FIG4: variants seen among roughly 807,000 people sequenced by gnomAD.
The protein encoded by FIG4 is polyphosphoinositide phosphatase.
FIG4 carries 112 observed loss-of-function variants against 118.6 expected under a neutral mutation model. The ratio of observed to expected loss-of-function variants is 0.94; its 90% CI spans 0.81 to 1.11. The LOEUF (loss-of-function observed/expected upper bound fraction) is 1.11, where lower values mean the gene tolerates loss of function less well. FIG4 is among the 50% of genes least tolerant of loss of function. The pLI is 0.00. For missense variants in FIG4, 969 were observed against 1,111.7 expected (o/e 0.87, Z 1.83); for synonymous variants, 369 against 381.2 (o/e 0.97, Z 0.37).
intron 22 of FIG4, among the ~76,000 whole-genome samples, chr6:109,801,849 C>T (rs1210783599): frequency 6.6e-6 from 1 of 152,170 alleles, no homozygotes; most frequent in East Asian, 1.9e-4. Context: ...CCAGGACCTC[C>T]CACCTCCATT....
chr6:109,716,633 A>C, intron 3 of FIG4, 65 bp downstream of exon 3: 1 of 1,568,774 alleles, frequency 6.4e-7, no homozygotes, highest in Non-Finnish European at 8.8e-7. Flanking sequence ...TACATAGACT[A>C]CTTAAAGGAG....
rs1013472801 is a variant in FIG4, at chr6:109,799,275, C to T, written c.2546+2424C>T. ...AATCTGTCATAATGGTGTTTTTACA[C>T]AGCATCTTCAGCAAGATAACAAAGA... is the stretch of plus-strand genomic sequence containing the variant. On this transcript the variant is annotated intron_variant, in intron 22 of 22. Transcript: ENST00000230124. 1.8e-4 allele frequency among the ~76,000 whole-genome samples: 27 copies of T among 152,342 alleles called. No individual in the cohort carries two copies. In the South Asian group the frequency reaches 2.9e-3, roughly 16 times the overall value.
chr6:109,706,405 G>C (rs937550068), intron 1 of FIG4, among the ~76,000 whole-genome samples: 5 of 152,120 alleles, frequency 3.3e-5, no homozygotes, highest in African/African-American at 1.2e-4. Flanking sequence ...TGCCCTTCCT[G>C]TGTTCTCATG....
At chr6:109,692,636 A>G (rs142817346) in intron 1 of FIG4, among the ~76,000 whole-genome samples, 121 of 152,306 alleles carry the variant, frequency 7.9e-4, no homozygotes, top group African/African-American at 2.9e-3. Flanking sequence ...TTGTCATTGA[A>G]ATGAAACCTA....
intron 13 of FIG4, among the ~76,000 whole-genome samples, chr6:109,764,396 C>A (rs1777215667): frequency 1.3e-5 from 2 of 151,084 alleles, no homozygotes; most frequent in African/African-American, 4.9e-5. Flanking sequence ...CGAGATCATG[C>A]CACTGCACTC....
chr6:109,812,170 A>G (rs758870033), intron 22 of FIG4, among the ~76,000 whole-genome samples: 10 of 151,944 alleles, frequency 6.6e-5, no homozygotes, highest in Non-Finnish European at 1.5e-4. Context: ...CCCCTTTTCC[A>G]TGATTGTAAA....
chr6:109,697,171 A>G (rs1774749804), intron 1 of FIG4, among the ~76,000 whole-genome samples: 1 of 150,906 alleles, frequency 6.6e-6, no homozygotes, highest in South Asian at 2.1e-4. Flanking sequence ...CTGAGGCAGG[A>G]GAATGGCGTG....
At chr6:109,696,459 T>C (rs989267803) in intron 1 of FIG4, among the ~76,000 whole-genome samples, 3 of 152,238 alleles carry the variant, frequency 2.0e-5, no homozygotes, top group African/African-American at 7.2e-5. Flanking sequence ...TGTAGCACTA[T>C]TCACGATAGC....
intron 22 of FIG4, among the ~76,000 whole-genome samples, chr6:109,815,195 T>C (rs546127494): frequency 1.4e-4 from 22 of 152,194 alleles, no homozygotes; most frequent in African/African-American, 5.1e-4. Flanking sequence ...ACATAACCAG[T>C]TGGCTGTCAC....
At chr6:109,705,060 C>T (rs550399653) in intron 1 of FIG4, among the ~76,000 whole-genome samples, 38 of 151,962 alleles carry the variant, frequency 2.5e-4, no homozygotes, top group African/African-American at 7.2e-4. Flanking sequence ...TATGGGTGTT[C>T]GTTGTACTGT....
At chr6:109,788,867 C>A (rs541549789) in intron 18 of FIG4, among the ~76,000 whole-genome samples, 9 of 152,158 alleles carry the variant, frequency 5.9e-5, no homozygotes, top group Admixed American at 5.9e-4. Context: ...GGAACTGTTG[C>A]GTTTTTGGCA....
In FIG4 at chr6:109,720,036, G is replaced by A. The variant is rs1003933729; in HGVS notation, c.289+3468G>A. On this transcript the variant is annotated intron_variant, in intron 3 of 22. Coordinates refer to ENST00000230124, the MANE Select transcript of FIG4 (RefSeq NM_014845.6). The stretch of plus-strand genomic sequence containing the variant: ...AAAGGTGACATTCTTAGCTATTTCT[G>A]TTGAAGTTAGAGCCCTTTTAGCTTT... 6.6e-5 allele frequency among the ~76,000 whole-genome samples: 10 copies of A among 152,320 alleles called. No individual in the cohort carries two copies. The East Asian group carries it at 1.9e-3, about 29-fold the overall frequency.
At chr6:109,708,855 G>C (rs1304251250) in intron 1 of FIG4, among the ~76,000 whole-genome samples, 1 of 151,998 alleles carries the variant, frequency 6.6e-6, no homozygotes, top group African/African-American at 2.4e-5. Flanking sequence ...ACAGATGGTG[G>C]ATATTAGATC....
chr6:109,768,468 T>G (rs901346995), intron 15 of FIG4, among the ~76,000 whole-genome samples: 1 of 152,156 alleles, frequency 6.6e-6, no homozygotes, highest in Non-Finnish European at 1.5e-5. Context: ...TGACTGTAAA[T>G]GTAGCAGCTT....
chr6:109,773,154 A>C (rs538770165), intron 15 of FIG4, among the ~76,000 whole-genome samples: 26 of 152,280 alleles, frequency 1.7e-4, no homozygotes, highest in African/African-American at 6.3e-4. Context: ...TTGTGCTTCA[A>C]ATCTCTCTGC....
intron 22 of FIG4, among the ~76,000 whole-genome samples, chr6:109,819,550 C>T (rs1778948537): frequency 6.6e-6 from 1 of 152,170 alleles, no homozygotes; most frequent in African/African-American, 2.4e-5. Context: ...CTCACTGCAA[C>T]CTCCGCCTCC....
At chr6:109,791,644 T>A (rs950258967) in intron 20 of FIG4, 73 bp downstream of exon 20, 2 of 1,370,076 alleles carry the variant, frequency 1.5e-6, no homozygotes, top group Non-Finnish European at 1.0e-6. Flanking sequence ...CGCTTTCAGT[T>A]AAAAGGCTGA....
chr6:109,816,905 C>G (rs567747068), intron 22 of FIG4, among the ~76,000 whole-genome samples: 3 of 152,344 alleles, frequency 2.0e-5, no homozygotes, highest in African/African-American at 7.2e-5. Context: ...ATAAGACACA[C>G]GCCATTACTG....
chr6:109,771,292 C>T (rs550767827), intron 15 of FIG4, among the ~76,000 whole-genome samples: 8 of 152,262 alleles, frequency 5.3e-5, no homozygotes, highest in East Asian at 1.9e-4. Context: ...CAAAGGACAA[C>T]GGACTGTCCT....
Sources: allele counts gnomAD v4.1 joint callset (sites outside exome capture counted in the v4.1 genomes callset), GRCh38; gene constraint gnomAD v4.1.1; transcripts MANE v1.5; gene names NCBI Gene and HGNC (gene_info 2026-07-23, HGNC 2026-07-21).